HTR1F: variants seen among roughly 807,000 people sequenced by gnomAD.
HTR1F encodes 5-hydroxytryptamine receptor 1F.
Under a neutral mutation model 24.0 loss-of-function variants are expected in HTR1F, and 17 were observed. The observed-to-expected ratio is 0.71, with a 90% CI of 0.48 to 1.06. HTR1F has a LOEUF of 1.06. HTR1F is among the 50% of genes least tolerant of loss of function. The pLI, the probability that HTR1F is intolerant of heterozygous loss-of-function variation, is 0.00. For synonymous variants in HTR1F, 186 were observed against 156.8 expected, an observed-to-expected ratio of 1.19 and a Z score of -1.39; for missense variants, 391 against 427.8, an observed-to-expected ratio of 0.91 and a Z score of 0.76.
At chr3:87,844,819 G>A (rs1704901068) in intron 2 of HTR1F, among the ~76,000 whole-genome samples, 1 of 149,306 alleles carries the variant, frequency 6.7e-6, no homozygotes, top group African/African-American at 2.5e-5. Context: ...TCTCAGGTTT[G>A]TCAAAGATCA....
At position 87,792,709 on chromosome 3, in the gene HTR1F, G is replaced by C. The variant is rs1313985141; in HGVS notation, c.-293G>C. ...CGGCGCAAGACTTCCCCAGCGCGCAGTCAGCGTCGCGGCCCCGAAAGCTGG... is the reference window on the plus strand; with the variant it reads ...CGGCGCAAGACTTCCCCAGCGCGCACTCAGCGTCGCGGCCCCGAAAGCTGG... On this transcript the variant is annotated 5_prime_UTR_variant, in exon 1 of 3. Coordinates refer to ENST00000319595, the MANE Select transcript of HTR1F (RefSeq NM_001322209.2). Among the ~76,000 whole-genome samples the C allele has an allele frequency of 1.3e-5, 2 of 152,238 alleles. No homozygotes were observed. Among genetic ancestry groups the C allele is most frequent in the Non-Finnish European group, 2.9e-5 (2 of 68,042 alleles).
intron 2 of HTR1F, among the ~76,000 whole-genome samples, chr3:87,905,687 A>G (rs554628193): frequency 3.3e-5 from 5 of 152,046 alleles, no homozygotes; most frequent in African/African-American, 9.6e-5. Context: ...TGTAAATTCC[A>G]TTCAAGGAGG....
At chr3:87,900,844 G>A (rs1190798420) in intron 2 of HTR1F, among the ~76,000 whole-genome samples, 1 of 152,108 alleles carries the variant, frequency 6.6e-6, no homozygotes, top group Non-Finnish European at 1.5e-5. Flanking sequence ...TTTGTTTTTG[G>A]ACATGTTACA....
chr3:87,905,180 T>A (rs1485052943), intron 2 of HTR1F, among the ~76,000 whole-genome samples: 1 of 151,802 alleles, frequency 6.6e-6, no homozygotes, highest in African/African-American at 2.4e-5. Context: ...TTTGGTGGTA[T>A]ATGTCTGTAG....
chr3:87,844,556 G>T (rs1431066286), intron 2 of HTR1F, among the ~76,000 whole-genome samples: 31 of 127,222 alleles, frequency 2.4e-4, no homozygotes, highest in African/African-American at 7.3e-4. Flanking sequence ...GTCAATTTTG[G>T]CTTTTGTTGC....
At chr3:87,801,836 G>A (rs1228268238) in intron 1 of HTR1F, among the ~76,000 whole-genome samples, 1 of 152,062 alleles carries the variant, frequency 6.6e-6, no homozygotes, top group Non-Finnish European at 1.5e-5. Flanking sequence ...GTAAAAAGAA[G>A]TATATACATT....
intron 2 of HTR1F, among the ~76,000 whole-genome samples, chr3:87,824,852 G>C (rs550003777): frequency 2.6e-5 from 4 of 152,214 alleles, no homozygotes; most frequent in Admixed American, 2.0e-4. Context: ...AATTCTATAA[G>C]TATGAAAGCT....
chr3:87,989,145 C>T (rs1391952946), intron 2 of HTR1F, among the ~76,000 whole-genome samples: 3 of 152,076 alleles, frequency 2.0e-5, no homozygotes, highest in East Asian at 1.9e-4. Flanking sequence ...TAAAAAAATG[C>T]TATTTATCAA....
chr3:87,835,528 G>A lies in HTR1F; in HGVS notation c.-43+13404G>A, dbSNP rs190320861. Among the ~76,000 whole-genome samples, 91 of 152,322 alleles carry A rather than the reference G, an allele frequency of 6.0e-4. 1 individual carries two copies. The highest frequency in any genetic ancestry group is 9.1e-4 in the Non-Finnish European group (62 of 68,026). On this transcript the variant is annotated intron_variant, in intron 2 of 2. Coordinates refer to ENST00000319595, the MANE Select transcript of HTR1F (RefSeq NM_001322209.2). ...ACCCCTATTTTCATAGTGATGCCAT[G>A]TAGTTGATGATATCTGTCTCAAAAA...
chr3:87,902,705 G>A (rs1006632300), intron 2 of HTR1F, among the ~76,000 whole-genome samples: 5 of 149,614 alleles, frequency 3.3e-5, no homozygotes, highest in African/African-American at 9.9e-5. Context: ...CCATTAACTC[G>A]TCATTTAGCA....
At chr3:87,889,949 T>C (rs1706041900) in intron 2 of HTR1F, among the ~76,000 whole-genome samples, 1 of 152,326 alleles carries the variant, frequency 6.6e-6, no homozygotes, top group African/African-American at 2.4e-5. Context: ...TGAAGTGTCA[T>C]AAAAATGCTT....
chr3:87,963,622 T>C (rs552002954), intron 2 of HTR1F, among the ~76,000 whole-genome samples: 2 of 152,252 alleles, frequency 1.3e-5, no homozygotes, highest in South Asian at 4.1e-4. Context: ...CCTCAAATGT[T>C]TTCTACAATA....
intron 2 of HTR1F, among the ~76,000 whole-genome samples, chr3:87,900,361 G>GT (rs1339894488): frequency 6.6e-6 from 1 of 152,230 alleles, no homozygotes; most frequent in Non-Finnish European, 1.5e-5. Flanking sequence ...GGAGGCCCAT[G>GT]TAGCTGGAGC....
intron 2 of HTR1F, among the ~76,000 whole-genome samples, chr3:87,909,227 C>T (rs138898761): frequency 6.6e-6 from 1 of 151,966 alleles, no homozygotes; most frequent in African/African-American, 2.4e-5. Flanking sequence ...AAAAGAATCC[C>T]CGGTCAAATC....
At chr3:87,916,322 A>AC (rs967938920) in intron 2 of HTR1F, among the ~76,000 whole-genome samples, 3 of 151,038 alleles carry the variant, frequency 2.0e-5, no homozygotes, top group East Asian at 1.9e-4. Flanking sequence ...AAAAAAAAAA[A>AC]AAAAAACAAG....
At chr3:87,989,004 C>G (rs1428836192) in intron 2 of HTR1F, among the ~76,000 whole-genome samples, 2 of 152,078 alleles carry the variant, frequency 1.3e-5, no homozygotes, top group Non-Finnish European at 2.9e-5. Context: ...TAAAACAGAA[C>G]TACGTTAACA....
At chr3:87,895,679 T>C (rs1423737422) in intron 2 of HTR1F, among the ~76,000 whole-genome samples, 1 of 152,184 alleles carries the variant, frequency 6.6e-6, no homozygotes, top group Non-Finnish European at 1.5e-5. Flanking sequence ...TCAACCATCA[T>C]CTTTACATTG....
rs564329103 is a variant in HTR1F, at chr3:87,974,739, T to C, written c.-42-15969T>C. ...CAGAGTAGGTGTATGTGTCTTTTCCTGAACTACTGATCAGCAATATTCTTC... is the reference window on the plus strand; with the variant it reads ...CAGAGTAGGTGTATGTGTCTTTTCCCGAACTACTGATCAGCAATATTCTTC... On this transcript the variant is annotated intron_variant, in intron 2 of 2. Transcript: ENST00000319595. Among the ~76,000 whole-genome samples, 4 of 152,324 alleles carry C rather than the reference T, an allele frequency of 2.6e-5. No homozygotes were observed. The East Asian group carries it at 7.7e-4, about 29-fold the overall frequency.
intron 1 of HTR1F, among the ~76,000 whole-genome samples, chr3:87,805,922 A>G (rs1211142860): frequency 6.6e-6 from 1 of 152,028 alleles, no homozygotes; most frequent in African/African-American, 2.4e-5. Context: ...CATTAACCAA[A>G]CACTTTTTTT....
Sources: allele counts gnomAD v4.1 joint callset (sites outside exome capture counted in the v4.1 genomes callset), GRCh38; gene constraint gnomAD v4.1.1; transcripts MANE v1.5; gene names NCBI Gene and HGNC (gene_info 2026-07-23, HGNC 2026-07-21).